SYTL2: variants seen among roughly 807,000 people sequenced by gnomAD.
SYTL2 encodes synaptotagmin like 2, also known as synaptotagmin-like protein 2.
In SYTL2, 165 loss-of-function variants were observed where a neutral mutation model predicts 198.7. The observed-to-expected ratio is 0.83, with a 90% CI of 0.73 to 0.94. The LOEUF (loss-of-function observed/expected upper bound fraction) is 0.94. Ranked by LOEUF, SYTL2 falls within the 40% of genes least tolerant of loss-of-function variation. SYTL2 has a pLI of 0.00. For synonymous variants in SYTL2, 966 were observed against 917.7 expected, an observed-to-expected ratio of 1.05 and a Z score of -0.95; for missense variants, 2,835 against 2,582.8, an observed-to-expected ratio of 1.10 and a Z score of -2.12.
intron 2 of SYTL2, among the ~76,000 whole-genome samples, chr11:85,753,195 A>T (rs1184691650): frequency 6.6e-6 from 1 of 152,230 alleles, no homozygotes; most frequent in South Asian, 2.1e-4. Context: ...CTAAAATTAC[A>T]TATGTGTATG....
chr11:85,838,117 G>A, the SYTL2 span, among the ~76,000 whole-genome samples: 2 of 152,174 alleles, frequency 1.3e-5, no homozygotes, highest in Admixed American at 6.5e-5. Flanking sequence ...AAGAACCACT[G>A]TTAAGCCTTT....
chr11:85,827,111 A>AT, the SYTL2 span, among the ~76,000 whole-genome samples: 6 of 152,128 alleles, frequency 3.9e-5, no homozygotes, highest in South Asian at 2.1e-4. Context: ...GCTTTCAATC[A>AT]TTTTTTTAAT....
intron 11 of SYTL2, among the ~76,000 whole-genome samples, chr11:85,715,587 A>C (rs187316317): frequency 6.6e-4 from 100 of 152,338 alleles, no homozygotes; most frequent in African/African-American, 2.3e-3. Flanking sequence ...AAATCTAATG[A>C]AGGAAAAACT....
chr11:85,705,235 C>A, intron 15 of SYTL2: 1 of 444,150 alleles, frequency 2.3e-6, no homozygotes, highest in South Asian at 4.9e-5. Context: ...GATTTGCTTC[C>A]CCACTCTGGA....
intron 4 of SYTL2, among the ~76,000 whole-genome samples, chr11:85,738,547 C>T (rs2090535260): frequency 6.6e-6 from 1 of 152,082 alleles, no homozygotes; most frequent in Admixed American, 6.5e-5. Context: ...TAGGTGTGCA[C>T]AAACTTGAAT....
intron 16 of SYTL2, among the ~76,000 whole-genome samples, chr11:85,702,228 T>G (rs1457612194): frequency 6.6e-6 from 1 of 151,750 alleles, no homozygotes; most frequent in Non-Finnish European, 1.5e-5. Context: ...CTCGCTTTGT[T>G]GCCCACACTG....
At chr11:85,823,232 A>C in the SYTL2 span, among the ~76,000 whole-genome samples, 2 of 152,268 alleles carry the variant, frequency 1.3e-5, no homozygotes, top group African/African-American at 4.8e-5. Flanking sequence ...TAGGCACTGG[A>C]TATATTTGTA....
chr11:85,790,146 T>G (rs2092708801), intron 1 of SYTL2, among the ~76,000 whole-genome samples: 1 of 152,114 alleles, frequency 6.6e-6, no homozygotes, highest in East Asian at 1.9e-4. Flanking sequence ...TAGAACAAAG[T>G]TTGTGTACAC....
Position 85,724,370 on chromosome 11 carries a change from C to G in SYTL2, c.4988G>C (p.Arg1663Thr), listed in dbSNP as rs766715672. The change falls in exon 8 of 20, where the codon AGA becomes ACA. Residue 1663 changes from arginine to threonine, a missense_variant. Arg to Thr is a moderately conservative substitution (Grantham distance 71). Coordinates refer to ENST00000359152, the MANE Select transcript of SYTL2 (RefSeq NM_206927.4). ...ATGAGCCACATAAAGTTGTGGGGTT[C>G]TAGGGATCTCAACTCCACTTCTGGA... is the stretch of plus-strand genomic sequence containing the variant. ...CGSRSGVEIP[R>T]TPQLYVAHEI... The G allele has an allele frequency of 6.3e-7, 1 of 1,592,156 alleles. No individual in the cohort carries two copies. The highest frequency in any genetic ancestry group is 1.4e-5 in the African/African-American group (1 of 74,054).
intron 8 of SYTL2, among the ~76,000 whole-genome samples, chr11:85,723,745 C>T (rs610416): frequency 6.6e-6 from 1 of 152,038 alleles, no homozygotes; most frequent in South Asian, 2.1e-4. Flanking sequence ...AGCTGTTTTA[C>T]GTAATGCATT....
intron 9 of SYTL2, among the ~76,000 whole-genome samples, chr11:85,720,491 T>A (rs1409836415): frequency 6.6e-6 from 1 of 152,214 alleles, no homozygotes; most frequent in Non-Finnish European, 1.5e-5. Context: ...ATAATACATG[T>A]AAAATTGTTA....
chr11:85,718,693 GTTC>G, intron 10 of SYTL2, 94 bp downstream of exon 10: 2 of 1,061,436 alleles, frequency 1.9e-6, no homozygotes, highest in Non-Finnish European at 2.8e-6. Context: ...GGCAAATGAC[GTTC>G]TTCTGTTTAC....
chr11:85,847,011 G>A, the SYTL2 span, among the ~76,000 whole-genome samples: 6 of 152,278 alleles, frequency 3.9e-5, no homozygotes, highest in South Asian at 1.0e-3. Context: ...TGAGATTACA[G>A]GCATGAGCCA....
chr11:85,842,035 G>C, the SYTL2 span, among the ~76,000 whole-genome samples: 1 of 152,170 alleles, frequency 6.6e-6, no homozygotes, highest in Non-Finnish European at 1.5e-5. Context: ...TTACATGTCA[G>C]GCCCTGTGCT....
In SYTL2 at chr11:85,725,519, G is replaced by GT. The variant is rs746077354; in HGVS notation, c.3838dup (p.Thr1280AsnfsTer8). On this transcript the variant is annotated frameshift_variant, in exon 8 of 20. Transcript: ENST00000359152. LOFTEE classifies it high-confidence loss of function. ...ACTTTCAGCTTTCTTGAGGAGAGCTGTATTTCCAAAAGTTTCATCTCTCAC... is the reference window on the plus strand; with the variant it reads ...ACTTTCAGCTTTCTTGAGGAGAGCTGTTATTTCCAAAAGTTTCATCTCTCAC... 8.1e-6 allele frequency: 13 copies of GT among 1,614,050 alleles called. No individual in the cohort carries two copies. The highest frequency in any genetic ancestry group is 1.1e-5 in the Non-Finnish European group (13 of 1,179,976).
At chr11:85,850,221 T>C in the SYTL2 span, among the ~76,000 whole-genome samples, 1 of 150,286 alleles carries the variant, frequency 6.7e-6, no homozygotes, top group Admixed American at 6.7e-5. Context: ...TATACAATCA[T>C]GTCGTCTGCA....
At chr11:85,708,476 GA>G (rs1416157475) in intron 14 of SYTL2, among the ~76,000 whole-genome samples, 1 of 151,568 alleles carries the variant, frequency 6.6e-6, no homozygotes, top group Non-Finnish European at 1.5e-5. Flanking sequence ...TGCAAAAAAA[GA>G]AAAAAAACTG....
chr11:85,709,082 C>A (rs1268448190), intron 14 of SYTL2, among the ~76,000 whole-genome samples: 1 of 152,012 alleles, frequency 6.6e-6, no homozygotes, highest in Non-Finnish European at 1.5e-5. Flanking sequence ...TTGTGATCCG[C>A]CCGCCTCGGC....
At chr11:85,840,481 C>A in the SYTL2 span, among the ~76,000 whole-genome samples, 38 of 152,220 alleles carry the variant, frequency 2.5e-4, no homozygotes, top group African/African-American at 8.9e-4. Context: ...CAACTTCAAA[C>A]TATACTACAG....
Sources: gnomAD v4.1 joint callset for allele counts (sites outside exome capture counted in the v4.1 genomes callset) on GRCh38, gnomAD v4.1.1 for gene constraint, MANE v1.5 for transcripts, NCBI Gene and HGNC (gene_info 2026-07-23, HGNC 2026-07-21) for gene names.